The following ACAP2 variants were observed in gnomAD, a reference collection of about 807,000 sequenced individuals.
ACAP2 encodes ArfGAP with coiled-coil, ankyrin repeat and PH domains 2.
In ACAP2, 39 loss-of-function variants were observed where a neutral mutation model predicts 115.8. The observed-to-expected ratio is 0.34, with a 90% CI of 0.26 to 0.44. The LOEUF (loss-of-function observed/expected upper bound fraction) is 0.44. ACAP2 is among the 20% of genes least tolerant of loss of function. The pLI, the probability that ACAP2 is intolerant of heterozygous loss-of-function variation, is 1.00. For missense variants in ACAP2, 662 were observed against 927.6 expected (o/e 0.71, Z 3.72); for synonymous variants, 289 against 315.8 (o/e 0.92, Z 0.90).
intron 4 of ACAP2, among the ~76,000 whole-genome samples, chr3:195,370,952 CAAAA>C (rs35365512): frequency 1.1e-3 from 113 of 104,308 alleles, no homozygotes; most frequent in African/African-American, 1.9e-3. Flanking sequence ...AACTCTGTCT[CAAAA>C]AAAAAAAAAA....
chr3:195,412,647 A>T (rs1713376794), intron 1 of ACAP2, among the ~76,000 whole-genome samples: 1 of 151,974 alleles, frequency 6.6e-6, no homozygotes, highest in Non-Finnish European at 1.5e-5. Flanking sequence ...TGAAATGTGA[A>T]ATTTGAAGCA....
chr3:195,415,442 A>G lies in ACAP2; in HGVS notation c.54-23295T>C, dbSNP rs542439530. ...CGGGCGTGCACCACCATGCCCAGCT[A>G]ATTTTTGCATTTTTAGTAGAGACGG... On this transcript the variant is annotated intron_variant, in intron 1 of 22. Transcript: ENST00000326793. 5.9e-5 allele frequency among the ~76,000 whole-genome samples: 9 copies of G among 151,946 alleles called. No homozygotes were observed. In the South Asian group the frequency reaches 1.5e-3, roughly 25 times the overall value.
intron 9 of ACAP2, among the ~76,000 whole-genome samples, chr3:195,321,758 G>A (rs1560240927): frequency 6.7e-6 from 1 of 150,212 alleles, no homozygotes; most frequent in Non-Finnish European, 1.5e-5. Context: ...GACTACAGAC[G>A]TTTGCCACCA....
intron 4 of ACAP2, among the ~76,000 whole-genome samples, chr3:195,379,505 A>G (rs868615083): frequency 1.8e-4 from 28 of 152,318 alleles, no homozygotes; most frequent in African/African-American, 2.6e-4. Flanking sequence ...TAAATAACTG[A>G]CAAAGGGACT....
intron 1 of ACAP2, among the ~76,000 whole-genome samples, chr3:195,409,282 TA>T (rs999604130): frequency 6.6e-6 from 1 of 152,144 alleles, no homozygotes; most frequent in African/African-American, 2.4e-5. Context: ...GTTGCATTTC[TA>T]TACACATTAA....
chr3:195,291,511 G>A (rs762033156), intron 20 of ACAP2, among the ~76,000 whole-genome samples, 195 bp downstream of exon 20: 1 of 152,126 alleles, frequency 6.6e-6, no homozygotes, highest in Non-Finnish European at 1.5e-5. Context: ...TGAAATTTTT[G>A]TATCTGAAAA....
At chr3:195,314,734 A>C (rs1728979459) in intron 10 of ACAP2, among the ~76,000 whole-genome samples, 1 of 152,228 alleles carries the variant, frequency 6.6e-6, no homozygotes, top group Non-Finnish European at 1.5e-5. Flanking sequence ...GCAGGCAGAA[A>C]AATCTTCATA....
At chr3:195,394,130 G>C (rs1431745254) in intron 1 of ACAP2, among the ~76,000 whole-genome samples, 1 of 152,094 alleles carries the variant, frequency 6.6e-6, no homozygotes, top group Non-Finnish European at 1.5e-5. Flanking sequence ...CCCAAGACAT[G>C]GTCCTCCTGG....
rs1053815768 is a variant in ACAP2, at chr3:195,376,192, G to A, written c.285+4817C>T. Among the ~76,000 whole-genome samples the A allele has an allele frequency of 5.3e-5, 8 of 152,060 alleles. No homozygotes were observed. The South Asian group carries it at 8.3e-4, about 16-fold the overall frequency. On this transcript the variant is annotated intron_variant, in intron 4 of 22. Transcript: ENST00000326793. ...GCCGATCACTTGAGGTCAGGAGTTC[G>A]ACACCAGCCTGGCCAACATGGTGAA...
At chr3:195,357,215 C>A (rs971359735) in intron 4 of ACAP2, among the ~76,000 whole-genome samples, 1 of 151,876 alleles carries the variant, frequency 6.6e-6, no homozygotes, top group Non-Finnish European at 1.5e-5. Context: ...GAGGTGGACA[C>A]AGGGGGTGAC....
At chr3:195,374,745 C>T (rs969244295) in intron 4 of ACAP2, among the ~76,000 whole-genome samples, 3 of 145,346 alleles carry the variant, frequency 2.1e-5, no homozygotes, top group Admixed American at 6.9e-5. Flanking sequence ...GACGGAGTCA[C>T]GCTCTGTCGC....
Position 195,361,619 on chromosome 3 carries a change from C to T in ACAP2, c.286-16302G>A, listed in dbSNP as rs556994411. Among the ~76,000 whole-genome samples the T allele has an allele frequency of 2.0e-4, 31 of 151,722 alleles. 1 individual carries two copies. The highest frequency in any genetic ancestry group is 7.5e-4 in the African/African-American group (31 of 41,396). On this transcript the variant is annotated intron_variant, in intron 4 of 22. Coordinates refer to ENST00000326793, the MANE Select transcript of ACAP2 (RefSeq NM_012287.6). ...CAACCTAATGATGCATCTTAAAGAA[C>T]TAGAAAAGCAAAAGGAAACCAAACC...
chr3:195,378,747 G>A (rs1177936751), intron 4 of ACAP2, among the ~76,000 whole-genome samples: 1 of 151,308 alleles, frequency 6.6e-6, no homozygotes, highest in Non-Finnish European at 1.5e-5. Context: ...TGTAGCCCCA[G>A]CAACTTGGGA....
At chr3:195,371,276 C>T (rs888434809) in intron 4 of ACAP2, among the ~76,000 whole-genome samples, 2 of 152,136 alleles carry the variant, frequency 1.3e-5, no homozygotes, top group Non-Finnish European at 2.9e-5. Context: ...TCTTTCACCT[C>T]CTTGGTTAGC....
Position 195,442,956 on chromosome 3 carries a change from CGG to C in ACAP2, c.-111_-110del. The C allele has an allele frequency of 9.5e-7, 1 of 1,049,558 alleles. No homozygotes were observed. Among genetic ancestry groups the C allele is most frequent in the Non-Finnish European group, 1.3e-6 (1 of 765,238 alleles). 65.0% of individuals were successfully genotyped at this position (1,049,558 alleles called of 1,614,324 possible). Reference sequence around the variant, plus strand: ...GCGCACGGCCGCGACTAGCGTTGCGCGGAGCTGCGAAGGGCGCCTCGCCCGCT... The same window carrying C: ...GCGCACGGCCGCGACTAGCGTTGCGCAGCTGCGAAGGGCGCCTCGCCCGCT... On this transcript the variant is annotated 5_prime_UTR_variant, in exon 1 of 23. The change abolishes the stop of an existing upstream ORF in the 5' untranslated region. Transcript: ENST00000326793.
chr3:195,326,820 G>T, intron 9 of ACAP2, 65 bp downstream of exon 9: 1 of 1,365,524 alleles, frequency 7.3e-7, no homozygotes, highest in Non-Finnish European at 1.0e-6. Context: ...ATGATACCTT[G>T]CATAAACCAA....
chr3:195,342,154 T>C (rs1183820937), intron 6 of ACAP2, among the ~76,000 whole-genome samples: 2 of 152,050 alleles, frequency 1.3e-5, no homozygotes, highest in African/African-American at 4.8e-5. Flanking sequence ...AATAATAAAA[T>C]GGTATAATAA....
rs768149362 is a variant in ACAP2 at position 195,292,252 on chromosome 3, T to A, written c.1953+13A>T. ...TTGATTGCTACTGAAAATGTCATTG[T>A]ATAAACGCATACCCCTAATACAGCC... On this transcript the variant is annotated intron_variant, in intron 19 of 22. Transcript: ENST00000326793. 6.4e-7 allele frequency: 1 copy of A among 1,561,768 alleles called. No homozygotes were observed. Among genetic ancestry groups the A allele is most frequent in the Non-Finnish European group, 8.6e-7 (1 of 1,162,030 alleles).
At chr3:195,355,281 C>CTTTTT (rs11345721) in intron 4 of ACAP2, among the ~76,000 whole-genome samples, 1 of 126,854 alleles carries the variant, frequency 7.9e-6, no homozygotes, top group African/African-American at 2.9e-5. Flanking sequence ...TCTTTTTCTT[C>CTTTTT]TTTTTTTTTT....
Sources: allele counts gnomAD v4.1 joint callset (sites outside exome capture counted in the v4.1 genomes callset), GRCh38; gene constraint gnomAD v4.1.1; transcripts MANE v1.5; gene names NCBI Gene and HGNC (gene_info 2026-07-23, HGNC 2026-07-21).